The following PTPRT variants were observed in gnomAD, a reference collection of about 807,000 sequenced individuals.
PTPRT encodes the protein protein tyrosine phosphatase receptor type T.
PTPRT carries 56 observed loss-of-function variants against 176.8 expected under a neutral mutation model. That is an observed-to-expected ratio of 0.32 (90% confidence interval 0.26 to 0.40). The LOEUF (loss-of-function observed/expected upper bound fraction) is 0.40. Ranked by LOEUF, PTPRT falls within the 10% of genes least tolerant of loss-of-function variation. The probability of loss-of-function intolerance (pLI) is 1.00; values close to 1 mark genes in which losing one functional copy is unlikely to be tolerated. For synonymous variants in PTPRT, 783 were observed against 739.0 expected, an observed-to-expected ratio of 1.06 and a Z score of -0.96; for missense variants, 1,540 against 1,908.2, an observed-to-expected ratio of 0.81 and a Z score of 3.60.
At chr20:42,952,661 G>T (rs1981326756) in intron 1 of PTPRT, among the ~76,000 whole-genome samples, 1 of 152,160 alleles carries the variant, frequency 6.6e-6, no homozygotes, top group Non-Finnish European at 1.5e-5. Flanking sequence ...ATAAGTGTTT[G>T]CTCTAGGTCG....
intron 7 of PTPRT, among the ~76,000 whole-genome samples, chr20:42,654,408 CAGTGGAACA>C (rs1264994499): frequency 3.3e-4 from 51 of 152,276 alleles, no homozygotes; most frequent in African/African-American, 1.2e-3. Flanking sequence ...CAAAAAGCTG[CAGTGGAACA>C]AGGAAGTAGC....
In PTPRT at chr20:42,227,600, GTTTTTTTTTTTT is replaced by G. The variant is rs10854224; in HGVS notation, c.2342+8617_2342+8628del. Among the ~76,000 whole-genome samples the G allele has an allele frequency of 9.0e-4, 56 of 61,890 alleles. No individual in the cohort carries two copies. In the East Asian group the frequency reaches 0.025, roughly 28 times the overall value. 40.6% of individuals were successfully genotyped at this position (61,890 alleles called of 152,430 possible). ...TAGCGAATGGGGAAAGTCCCTCATT[GTTTTTTTTTTTT>G]TTTTTTTTTTTTTGAGACGGAGTTC... On this transcript the variant is annotated intron_variant, in intron 15 of 30. Transcript: ENST00000373187.
intron 1 of PTPRT, among the ~76,000 whole-genome samples, chr20:42,992,835 A>T (rs1348757020): frequency 6.6e-6 from 1 of 151,804 alleles, no homozygotes; most frequent in African/African-American, 2.4e-5. Context: ...CACCTCTCTC[A>T]CTCTCTTCAT....
intron 7 of PTPRT, among the ~76,000 whole-genome samples, chr20:42,544,078 A>G (rs1445577826): frequency 6.6e-6 from 1 of 152,180 alleles, no homozygotes; most frequent in Non-Finnish European, 1.5e-5. Flanking sequence ...CTTCAACTCA[A>G]GAGTCACCAG....
chr20:42,451,191 G>A (rs995296061), intron 8 of PTPRT, among the ~76,000 whole-genome samples: 1 of 152,126 alleles, frequency 6.6e-6, no homozygotes, highest in Non-Finnish European at 1.5e-5. Context: ...TGGACTCAGA[G>A]GATGGCAACA....
intron 1 of PTPRT, among the ~76,000 whole-genome samples, chr20:42,922,739 G>A (rs1266099040): frequency 6.6e-6 from 1 of 152,134 alleles, no homozygotes; most frequent in Non-Finnish European, 1.5e-5. Context: ...CTCCCCTGCT[G>A]CTTCCATCTG....
intron 2 of PTPRT, among the ~76,000 whole-genome samples, chr20:42,853,099 C>T (rs962751034): frequency 9.9e-5 from 15 of 152,192 alleles, no homozygotes; most frequent in African/African-American, 3.6e-4. Flanking sequence ...ACCCTTTGGT[C>T]TGATATATCT....
At chr20:42,224,864 C>A (rs550279750) in intron 15 of PTPRT, among the ~76,000 whole-genome samples, 1 of 152,146 alleles carries the variant, frequency 6.6e-6, no homozygotes, top group African/African-American at 2.4e-5. Context: ...GACAACCTTG[C>A]CTTTTTAAAG....
downstream of PTPRT, among the ~76,000 whole-genome samples, chr20:42,070,099 GCTGCTT>G (rs1982260047): frequency 6.6e-6 from 1 of 152,034 alleles, no homozygotes; most frequent in Admixed American, 6.6e-5. Flanking sequence ...TATCTCACCA[GCTGCTT>G]CTGCTTCTAT....
At chr20:42,919,179 T>C (rs145535088) in intron 1 of PTPRT, among the ~76,000 whole-genome samples, 56 of 152,208 alleles carry the variant, frequency 3.7e-4, no homozygotes, top group African/African-American at 1.3e-3. Context: ...CCCCCAGAGA[T>C]GGCATAAAGG....
At chr20:42,752,724 GTACAAA>G (rs1366843881) in intron 6 of PTPRT, among the ~76,000 whole-genome samples, 1 of 152,110 alleles carries the variant, frequency 6.6e-6, no homozygotes, top group Non-Finnish European at 1.5e-5. Flanking sequence ...TTTTAAACAA[GTACAAA>G]TACTTCAGTA....
intron 16 of PTPRT, among the ~76,000 whole-genome samples, chr20:42,169,899 C>G (rs1013073623): frequency 6.6e-6 from 1 of 152,042 alleles, no homozygotes; most frequent in Non-Finnish European, 1.5e-5. Flanking sequence ...TGACCCTACT[C>G]CCAAAACAAG....
intron 1 of PTPRT, among the ~76,000 whole-genome samples, chr20:42,941,357 C>T (rs1459762186): frequency 6.6e-6 from 1 of 152,098 alleles, no homozygotes; most frequent in Non-Finnish European, 1.5e-5. Context: ...AGTACCTGGC[C>T]CATACCAGAT....
Position 42,484,506 on chromosome 20 carries a change from T to C in PTPRT, c.1154-11944A>G, listed in dbSNP as rs1032313066. Among the ~76,000 whole-genome samples, 3 of 152,302 alleles carry C rather than the reference T, an allele frequency of 2.0e-5. No homozygotes were observed. In the East Asian group the frequency reaches 5.8e-4, roughly 29 times the overall value. On this transcript the variant is annotated intron_variant, in intron 7 of 30. Transcript: ENST00000373187. ...TTGGCACAAAACTTGCATTTCATCA[T>C]GGCAATTGCCAGAAGCCCAATTCTG...
intron 17 of PTPRT, among the ~76,000 whole-genome samples, chr20:42,148,032 A>G (rs1256347390): frequency 6.6e-6 from 1 of 152,172 alleles, no homozygotes; most frequent in African/African-American, 2.4e-5. Flanking sequence ...TTATTTTTCC[A>G]TTAGTGGCTA....
chr20:42,460,625 G>A (rs915014418), intron 8 of PTPRT, among the ~76,000 whole-genome samples: 1 of 152,140 alleles, frequency 6.6e-6, no homozygotes, highest in Non-Finnish European at 1.5e-5. Flanking sequence ...ATTAATTCAT[G>A]GGGGCCATTT....
chr20:42,069,672 T>C (rs533756726), downstream of PTPRT, among the ~76,000 whole-genome samples: 7 of 152,224 alleles, frequency 4.6e-5, no homozygotes, highest in Non-Finnish European at 1.0e-4. Context: ...ACTGTTAATA[T>C]ACTGATGTTG....
In PTPRT at chr20:42,619,661, A is replaced by G. The variant is rs901932117; in HGVS notation, c.1153+58205T>C. On this transcript the variant is annotated intron_variant, in intron 7 of 30. Transcript: ENST00000373187. The stretch of plus-strand genomic sequence containing the variant: ...ATTTCTTTTTATTCTTTTTTCTCTA[A>G]ACTTCCCTTCTCGCTTCATTTCATT... Among the ~76,000 whole-genome samples the G allele has an allele frequency of 8.9e-5, 12 of 134,742 alleles. 4 individuals carry two copies. The highest frequency in any genetic ancestry group is 4.1e-4 in the African/African-American group (12 of 29,312). The allele number at this position is 134,742 out of a possible 152,430, so 88.4% of individuals were successfully genotyped here.
chr20:42,641,519 C>T (rs755762470), intron 7 of PTPRT, among the ~76,000 whole-genome samples: 5 of 152,148 alleles, frequency 3.3e-5, no homozygotes, highest in Non-Finnish European at 5.9e-5. Context: ...ATAGGTCAGG[C>T]ATCAGCTTTT....
Sources: allele counts gnomAD v4.1 joint callset (sites outside exome capture counted in the v4.1 genomes callset), GRCh38; gene constraint gnomAD v4.1.1; transcripts MANE v1.5; gene names NCBI Gene and HGNC (gene_info 2026-07-23, HGNC 2026-07-21).